BRINP3: variants seen among roughly 807,000 people sequenced by gnomAD.
BRINP3 encodes BMP/retinoic acid inducible neural specific 3, also known as BMP/retinoic acid-inducible neural-specific protein 3.
In BRINP3, 19 loss-of-function variants were observed where a neutral mutation model predicts 71.0. The observed-to-expected ratio is 0.27, with a 90% CI of 0.19 to 0.39. The LOEUF (loss-of-function observed/expected upper bound fraction) is 0.39. Among genes scored for constraint, BRINP3 ranks in the 10% least tolerant of loss-of-function variants. BRINP3 has a pLI of 1.00. For synonymous variants in BRINP3, 380 were observed against 337.7 expected, an observed-to-expected ratio of 1.13 and a Z score of -1.37; for missense variants, 959 against 940.8, an observed-to-expected ratio of 1.02 and a Z score of -0.25.
rs1412329260 is a variant in BRINP3 at position 190,098,382 on chromosome 1, T to C, written c.1937A>G (p.Tyr646Cys). 2.6e-5 allele frequency: 42 copies of C among 1,614,070 alleles called. No individual in the cohort carries two copies. Among genetic ancestry groups the C allele is most frequent in the Non-Finnish European group, 3.3e-5 (39 of 1,180,032 alleles). The change falls in exon 8 of 8, where the codon TAT (tyrosine) becomes TGT (cysteine). Residue 646 changes from tyrosine to cysteine, a missense_variant. Physicochemically the swap from Tyr to Cys is radical, Grantham distance 194. Transcript: ENST00000367462. ...AGGGTCAATAAACTCCAGAGGTTCATAGTAAATGCTCTCATTACCATTGGG... is the reference window on the plus strand; with the variant it reads ...AGGGTCAATAAACTCCAGAGGTTCACAGTAAATGCTCTCATTACCATTGGG... ...NGPNGNESIY[Y>C]EPLEFIDPSR... is the part of the protein sequence containing the mutation.
chr1:190,149,909 C>T (rs1421179023), intron 7 of BRINP3, among the ~76,000 whole-genome samples: 1 of 152,020 alleles, frequency 6.6e-6, no homozygotes, highest in Non-Finnish European at 1.5e-5. Context: ...CATCAATGTT[C>T]TTTTGTGATG....
At chr1:190,150,339 G>T (rs1347964626) in intron 7 of BRINP3, among the ~76,000 whole-genome samples, 4 of 152,066 alleles carry the variant, frequency 2.6e-5, no homozygotes, top group Admixed American at 2.0e-4. Flanking sequence ...CTAAAAGGCG[G>T]TGAGGAAGAT....
intron 2 of BRINP3, among the ~76,000 whole-genome samples, chr1:190,294,990 C>G (rs761340033): frequency 4.6e-5 from 7 of 151,968 alleles, no homozygotes; most frequent in Non-Finnish European, 8.8e-5. Context: ...GATTCTCTCT[C>G]TACTCTGTAC....
At chr1:190,435,031 A>G (rs1188246822) in intron 2 of BRINP3, among the ~76,000 whole-genome samples, 1 of 152,162 alleles carries the variant, frequency 6.6e-6, no homozygotes, top group Non-Finnish European at 1.5e-5. Context: ...GATGGAGAAA[A>G]TAGAAAAAAA....
At chr1:190,343,483 A>T (rs1285372246) in intron 2 of BRINP3, among the ~76,000 whole-genome samples, 1 of 151,824 alleles carries the variant, frequency 6.6e-6, no homozygotes, top group Non-Finnish European at 1.5e-5. Context: ...TAACTGTAAA[A>T]TTGGAAAATA....
intron 7 of BRINP3, among the ~76,000 whole-genome samples, chr1:190,107,375 TA>T (rs1460979864): frequency 6.6e-6 from 1 of 151,948 alleles, no homozygotes; most frequent in Non-Finnish European, 1.5e-5. Context: ...CAATTTCAAC[TA>T]CGTGGAATTT....
At chr1:190,470,248 A>T (rs1677041186) in intron 1 of BRINP3, among the ~76,000 whole-genome samples, 1 of 151,096 alleles carries the variant, frequency 6.6e-6, no homozygotes, top group Non-Finnish European at 1.5e-5. Flanking sequence ...CAGGAAAAAT[A>T]AGTCTATCTA....
Position 190,254,053 on chromosome 1 carries a change from G to T in BRINP3, c.618+10812C>A, listed in dbSNP as rs574843963. ...TTTCCCCATTTCTTGTTTTTGTCAGGTTTGTCAAGGATCAGATGGTTTTAG... is the reference window on the plus strand; with the variant it reads ...TTTCCCCATTTCTTGTTTTTGTCAGTTTTGTCAAGGATCAGATGGTTTTAG... On this transcript the variant is annotated intron_variant, in intron 4 of 7. Coordinates refer to ENST00000367462, the MANE Select transcript of BRINP3 (RefSeq NM_199051.3). 8.5e-5 allele frequency among the ~76,000 whole-genome samples: 13 copies of T among 152,188 alleles called. 1 individual carries two copies. Among genetic ancestry groups the T allele is most frequent in the Admixed American group, 8.5e-4 (13 of 15,284 alleles).
intron 2 of BRINP3, among the ~76,000 whole-genome samples, chr1:190,331,930 C>A (rs1666990019): frequency 6.6e-6 from 1 of 151,870 alleles, no homozygotes; most frequent in Non-Finnish European, 1.5e-5. Flanking sequence ...ATTTTGTTAT[C>A]AATGCATCAC....
At chr1:190,314,106 A>G (rs1478319914) in intron 2 of BRINP3, among the ~76,000 whole-genome samples, 4 of 152,030 alleles carry the variant, frequency 2.6e-5, no homozygotes, top group African/African-American at 7.2e-5. Flanking sequence ...GTAGAGTACT[A>G]TGATAGATAT....
intron 6 of BRINP3, among the ~76,000 whole-genome samples, chr1:190,178,462 A>T (rs1367933080): frequency 6.6e-6 from 1 of 152,202 alleles, no homozygotes; most frequent in African/African-American, 2.4e-5. Flanking sequence ...GCCACACACA[A>T]ATAAATGCAC....
chr1:190,208,683 C>T (rs549525227), intron 6 of BRINP3, among the ~76,000 whole-genome samples: 81 of 151,846 alleles, frequency 5.3e-4, no homozygotes, highest in Admixed American at 2.3e-3. Context: ...TTAGTAGAGA[C>T]GGGATTTCAC....
intron 2 of BRINP3, among the ~76,000 whole-genome samples, chr1:190,305,924 T>A (rs1307302634): frequency 6.6e-6 from 1 of 151,854 alleles, no homozygotes; most frequent in Admixed American, 6.6e-5. Flanking sequence ...CAATTATGTG[T>A]TAATCATAAA....
At chr1:190,152,274 T>C (rs1461955083) in intron 7 of BRINP3, among the ~76,000 whole-genome samples, 2 of 152,014 alleles carry the variant, frequency 1.3e-5, no homozygotes, top group Non-Finnish European at 1.5e-5. Flanking sequence ...TAACCAACCA[T>C]GGCAGTCATT....
intron 2 of BRINP3, among the ~76,000 whole-genome samples, chr1:190,348,469 A>G (rs968692551): frequency 1.8e-4 from 28 of 152,156 alleles, no homozygotes; most frequent in African/African-American, 6.8e-4. Flanking sequence ...GAAATAAATA[A>G]AAGCCTCACA....
intron 6 of BRINP3, among the ~76,000 whole-genome samples, chr1:190,192,132 T>C (rs1654086692): frequency 1.3e-5 from 2 of 152,192 alleles, no homozygotes; most frequent in African/African-American, 4.8e-5. Context: ...CAATCTGATC[T>C]GCTGTCCAAT....
chr1:190,107,669 A>T (rs1193515585), intron 7 of BRINP3, among the ~76,000 whole-genome samples: 1 of 151,986 alleles, frequency 6.6e-6, no homozygotes, highest in Non-Finnish European at 1.5e-5. Flanking sequence ...TTGGAGTATG[A>T]TCTCCTAAGA....
chr1:190,281,628 A>T lies in BRINP3; in HGVS notation c.359T>A (p.Leu120His). ...GATAAGGTTTTCTGTGATTTGCTGA[A>T]GGGTAGGTCGACGTCCCAAAAGTCT... is the stretch of plus-strand genomic sequence containing the variant. ...NIRLLGRRPT[L>H]QQITENLIKK... Residue 120 changes from leucine to histidine, a missense_variant, in exon 3 of 8, where the codon CTT (leucine) becomes CAT (histidine). Physicochemically the swap from Leu to His is moderately conservative, Grantham distance 99 (BLOSUM62 -3). Transcript: ENST00000367462. The T allele has an allele frequency of 6.2e-7, 1 of 1,612,976 alleles. No individual in the cohort carries two copies. The highest frequency in any genetic ancestry group is 8.5e-7 in the Non-Finnish European group (1 of 1,179,326).
chr1:190,132,210 T>A (rs1256318180), intron 7 of BRINP3, among the ~76,000 whole-genome samples: 3 of 152,120 alleles, frequency 2.0e-5, no homozygotes, highest in African/African-American at 7.2e-5. Context: ...TATAGCCTCC[T>A]ATAGATGGGT....
Sources: allele counts gnomAD v4.1 joint callset (sites outside exome capture counted in the v4.1 genomes callset), GRCh38; gene constraint gnomAD v4.1.1; transcripts MANE v1.5; gene names NCBI Gene and HGNC (gene_info 2026-07-23, HGNC 2026-07-21).